The following XIRP2 variants were observed in gnomAD, a reference collection of about 807,000 sequenced individuals.
XIRP2 encodes the protein xin actin binding repeat containing 2, also known as xin actin-binding repeat-containing protein 2.
Under a neutral mutation model 277.0 loss-of-function variants are expected in XIRP2, and 236 were observed. The ratio of observed to expected loss-of-function variants is 0.85; its 90% confidence interval spans 0.77 to 0.95. The LOEUF is 0.95. XIRP2 is among the 40% of genes least tolerant of loss of function. The pLI is 0.00. For synonymous variants in XIRP2, 1,490 were observed against 1,416.5 expected (o/e 1.05, Z -1.17); for missense variants, 4,640 against 4,157.5 (o/e 1.12, Z -3.19).
At chr2:167,153,280 G>A (rs114518174) in intron 3 of XIRP2, among the ~76,000 whole-genome samples, 1 of 151,900 alleles carries the variant, frequency 6.6e-6, no homozygotes, top group Non-Finnish European at 1.5e-5. Context: ...ATTAAATCCT[G>A]TATTGAGCAT....
At chr2:167,025,448 A>G (rs2105493185) in intron 2 of XIRP2, among the ~76,000 whole-genome samples, 2 of 151,866 alleles carry the variant, frequency 1.3e-5, no homozygotes, top group East Asian at 1.9e-4. Flanking sequence ...TTGTGTCTCC[A>G]TTTCCTTCAG....
At chr2:166,890,028 C>G (rs745829021) in intron 1 of XIRP2, 16 of 152,052 alleles carry the variant, frequency 1.1e-4, no homozygotes, top group African/African-American at 3.9e-4. Flanking sequence ...CAGAGTCTTG[C>G]TCTGTCACCC....
intron 2 of XIRP2, among the ~76,000 whole-genome samples, chr2:166,966,404 A>G (rs540659702): frequency 2.0e-5 from 3 of 151,854 alleles, no homozygotes; most frequent in East Asian, 3.9e-4. Flanking sequence ...TTTTACATAT[A>G]TCTATATTTG....
intron 3 of XIRP2, chr2:167,140,838 C>T (rs1221281096): frequency 6.6e-6 from 1 of 152,146 alleles, no homozygotes; most frequent in Non-Finnish European, 1.5e-5. Flanking sequence ...GTCAGATCCA[C>T]CTGCAGATTT....
intron 2 of XIRP2, among the ~76,000 whole-genome samples, chr2:167,052,127 G>A (rs1407334836): frequency 3.3e-5 from 5 of 151,956 alleles, no homozygotes; most frequent in African/African-American, 1.2e-4. Context: ...GTTTCTGGTA[G>A]GGAAAAAATA....
intron 1 of XIRP2, among the ~76,000 whole-genome samples, chr2:166,895,502 A>G (rs1181192139): frequency 1.3e-5 from 2 of 152,200 alleles, no homozygotes; most frequent in Admixed American, 1.3e-4. Flanking sequence ...CTCTGGATCC[A>G]TGAACAGAAG....
intron 2 of XIRP2, among the ~76,000 whole-genome samples, chr2:166,976,248 C>T (rs1406313217): frequency 6.6e-6 from 1 of 152,088 alleles, no homozygotes; most frequent in African/African-American, 2.4e-5. Context: ...TATCTGGTTT[C>T]CTCTCTCCCC....
chr2:167,114,709 C>T (rs982502098), intron 2 of XIRP2, among the ~76,000 whole-genome samples: 10 of 150,014 alleles, frequency 6.7e-5, no homozygotes, highest in South Asian at 6.3e-4. Context: ...GGTTTTTTGT[C>T]CTTGCGATAG....
At chr2:167,001,666 C>T (rs1405597266) in intron 2 of XIRP2, among the ~76,000 whole-genome samples, 2 of 152,112 alleles carry the variant, frequency 1.3e-5, no homozygotes, top group Non-Finnish European at 2.9e-5. Context: ...AAATGAAATA[C>T]ATCCTGTAAA....
Position 167,239,893 on chromosome 2 carries a change from C to A in XIRP2, c.897C>A (p.Ser299Arg). The A allele has an allele frequency of 6.2e-7, 1 of 1,609,842 alleles. No homozygotes were observed. Among genetic ancestry groups the A allele is most frequent in the Non-Finnish European group, 8.5e-7 (1 of 1,178,488 alleles). Residue 299 changes from serine (S) to arginine (R), a missense_variant, in exon 6 of 11, where the codon AGC (serine) becomes AGA (arginine). By Grantham distance (110) the Ser-to-Arg change is moderately radical (BLOSUM62 -1). Transcript: ENST00000409195. ...GCAGCCAGGTTGGCACTTCAAGAAG[C>A]AGCCAGGAAATGGCAAGAAATGAAC... ...IHSSQVGTSR[S>R]SQEMARNEQE... is the part of the protein sequence containing the mutation.
chr2:167,211,163 G>A (rs1694031015), intron 4 of XIRP2, among the ~76,000 whole-genome samples: 1 of 152,036 alleles, frequency 6.6e-6, no homozygotes. Flanking sequence ...GGAGTGCAAT[G>A]GCACGATCTC....
rs1437352703 is a variant in XIRP2, at chr2:167,246,803, GT to G, written c.5412del (p.Ser1804ArgfsTer18). The part of the protein sequence containing the change: ...KRQSLVERTV[S>X]ETDIIPGDVH... Reference sequence around the variant, plus strand: ...CAGTCTCTGGTTGAACGTACTGTTAGTGAAACTGACATCATCCCTGGAGATG... The same window carrying G: ...CAGTCTCTGGTTGAACGTACTGTTAGGAAACTGACATCATCCCTGGAGATG... On this transcript the variant is annotated frameshift_variant, in exon 9 of 11. Transcript: ENST00000409195. LOFTEE classifies it high-confidence loss of function. The G allele has an allele frequency of 6.2e-7, 1 of 1,613,832 alleles. No homozygotes were observed. The highest frequency in any genetic ancestry group is 8.5e-7 in the Non-Finnish European group (1 of 1,179,836).
At chr2:166,940,888 G>T (rs987729824) in intron 2 of XIRP2, among the ~76,000 whole-genome samples, 6 of 152,276 alleles carry the variant, frequency 3.9e-5, no homozygotes, top group Admixed American at 1.3e-4. Context: ...GGCTACTCGG[G>T]GGTCAGGGAC....
chr2:167,097,916 T>A (rs1401086081), intron 2 of XIRP2, among the ~76,000 whole-genome samples: 1 of 152,248 alleles, frequency 6.6e-6, no homozygotes, highest in African/African-American at 2.4e-5. Flanking sequence ...CAGAGAGATC[T>A]GCAGTTAGCC....
At chr2:167,137,787 C>T (rs1309118431) in intron 3 of XIRP2, among the ~76,000 whole-genome samples, 2 of 152,096 alleles carry the variant, frequency 1.3e-5, no homozygotes, top group Non-Finnish European at 2.9e-5. Flanking sequence ...GGTGGATGAA[C>T]ATAGCAGCAA....
chr2:166,919,955 A>G (rs1030267565), intron 2 of XIRP2, among the ~76,000 whole-genome samples: 4 of 152,170 alleles, frequency 2.6e-5, no homozygotes, highest in African/African-American at 9.7e-5. Flanking sequence ...AGCACCAGCA[A>G]TTTTGTTTTC....
At chr2:167,058,258 ATTG>A (rs1337246033) in intron 2 of XIRP2, among the ~76,000 whole-genome samples, 4 of 151,136 alleles carry the variant, frequency 2.6e-5, no homozygotes, top group African/African-American at 9.7e-5. Context: ...TTGTTTGTTT[ATTG>A]TTGGTTTTTT....
At chr2:167,095,962 C>T (rs1294348697) in intron 2 of XIRP2, among the ~76,000 whole-genome samples, 4 of 143,452 alleles carry the variant, frequency 2.8e-5, no homozygotes, top group Non-Finnish European at 4.5e-5. Flanking sequence ...CAAGCTGTGC[C>T]TCCCAGGTTC....
At position 167,259,299 on chromosome 2, in the gene XIRP2, A is replaced by T. The variant is rs1385134447; in HGVS notation, c.*1482A>T. ...CCTTTGTTTCCCAGAGTGGAGGTGC[A>T]GTCAGAACAACTCACGGTGGAAGAG... On this transcript the variant is annotated 3_prime_UTR_variant, in exon 11 of 11. Transcript: ENST00000409195. 5 of 1,613,062 alleles carry T rather than the reference A, an allele frequency of 3.1e-6. No homozygotes were observed. Among genetic ancestry groups the T allele is most frequent in the Non-Finnish European group, 4.2e-6 (5 of 1,179,572 alleles).
Sources: allele counts gnomAD v4.1 joint callset (sites outside exome capture counted in the v4.1 genomes callset), GRCh38; gene constraint gnomAD v4.1.1; transcripts MANE v1.5; gene names NCBI Gene and HGNC (gene_info 2026-07-23, HGNC 2026-07-21).